Variants in MAP4K3 observed in about 807,000 individuals in gnomAD.
MAP4K3 encodes the protein MAPK/ERK kinase kinase kinase 3.
A neutral mutation model predicts 143.5 loss-of-function variants in MAP4K3; 94 were observed. That is an observed-to-expected ratio of 0.65 (90% CI 0.55 to 0.78). The LOEUF (loss-of-function observed/expected upper bound fraction) is 0.78, where lower values mean the gene tolerates loss of function less well. Ranked by LOEUF, MAP4K3 falls within the 30% of genes least tolerant of loss-of-function variation. MAP4K3 has a pLI of 0.00. For missense variants in MAP4K3, 1,077 were observed against 1,068.1 expected (o/e 1.01, Z -0.12); for synonymous variants, 416 against 347.2 (o/e 1.20, Z -2.20).
intron 23 of MAP4K3, among the ~76,000 whole-genome samples, chr2:39,278,845 T>A (rs1681388001): frequency 6.6e-6 from 1 of 151,890 alleles, no homozygotes. Context: ...AAATCGAGAG[T>A]GGCTGATACA....
chr2:39,413,156 T>C (rs1177951535), intron 1 of MAP4K3, among the ~76,000 whole-genome samples: 1 of 152,206 alleles, frequency 6.6e-6, no homozygotes, highest in Admixed American at 6.5e-5. Context: ...ATCAAAGCTT[T>C]CATGCAGTAA....
intron 1 of MAP4K3, among the ~76,000 whole-genome samples, chr2:39,395,086 C>A (rs540183084): frequency 4.6e-5 from 7 of 152,172 alleles, no homozygotes; most frequent in African/African-American, 1.2e-4. Flanking sequence ...AATTAAACAA[C>A]CTTCCAGCAT....
At chr2:39,333,489 TTAGAA>T in intron 7 of MAP4K3, 38 bp downstream of exon 7, 1 of 1,472,730 alleles carries the variant, frequency 6.8e-7, no homozygotes, top group African/African-American at 1.4e-5. Context: ...TTACTATATC[TTAGAA>T]TAGATTTGTG....
chr2:39,378,743 T>C (rs1226780211), intron 1 of MAP4K3, among the ~76,000 whole-genome samples: 1 of 152,060 alleles, frequency 6.6e-6, no homozygotes, highest in Non-Finnish European at 1.5e-5. Flanking sequence ...ATACATGTAG[T>C]TCAATGCAAA....
chr2:39,378,201 G>A, intron 1 of MAP4K3, 78 bp from the exon 2 acceptor site: 3 of 708,216 alleles, frequency 4.2e-6, no homozygotes, highest in Non-Finnish European at 7.2e-6. Flanking sequence ...TTAGCTTACT[G>A]TTTTCAGTTA....
At chr2:39,275,880 T>G (rs1324084465) in intron 24 of MAP4K3, among the ~76,000 whole-genome samples, 1 of 152,208 alleles carries the variant, frequency 6.6e-6, no homozygotes, top group Admixed American at 6.5e-5. Flanking sequence ...TTTTTATTTT[T>G]ATTTTGTTTT....
intron 2 of MAP4K3, among the ~76,000 whole-genome samples, chr2:39,358,009 G>C (rs1172865043): frequency 6.6e-6 from 1 of 152,168 alleles, no homozygotes; most frequent in East Asian, 1.9e-4. Context: ...AAGGGAGTCA[G>C]CCTTAGGATA....
At chr2:39,286,768 G>A (rs532531639) in intron 21 of MAP4K3, 84 bp downstream of exon 21, 42 of 616,344 alleles carry the variant, frequency 6.8e-5, no homozygotes, top group African/African-American at 2.6e-4. Context: ...TAGTGCTATA[G>A]TGTCACTAAT....
chr2:39,302,445 G>A (rs551169176), intron 15 of MAP4K3, among the ~76,000 whole-genome samples: 39 of 152,208 alleles, frequency 2.6e-4, no homozygotes, highest in Middle Eastern at 3.4e-3. Flanking sequence ...ACAGAAAATC[G>A]GATAGGGAAA....
chr2:39,415,980 A>AAATATATATAT (rs1553318573), intron 1 of MAP4K3, among the ~76,000 whole-genome samples: 8 of 14,762 alleles, frequency 5.4e-4, no homozygotes, highest in East Asian at 2.5e-3. Context: ...AAAAAAAAAA[A>AAATATATATAT]ATATATATAT....
chr2:39,293,577 T>C (rs1284151310), intron 16 of MAP4K3, among the ~76,000 whole-genome samples: 1 of 152,196 alleles, frequency 6.6e-6, no homozygotes, highest in Non-Finnish European at 1.5e-5. Context: ...ACAACAGTAC[T>C]GACAAAACAA....
chr2:39,397,463 G>C (rs1666840115), intron 1 of MAP4K3, among the ~76,000 whole-genome samples: 1 of 152,052 alleles, frequency 6.6e-6, no homozygotes, highest in African/African-American at 2.4e-5. Context: ...AACCTTTAAA[G>C]AAATGAAAGT....
At position 39,401,100 on chromosome 2, in the gene MAP4K3, T is replaced by C. The variant is rs72929198; in HGVS notation, c.97-22977A>G. Among the ~76,000 whole-genome samples the C allele has an allele frequency of 6.2e-3, 937 of 152,226 alleles. 9 individuals are homozygous for C. The highest frequency in any genetic ancestry group is 0.022 in the African/African-American group (895 of 41,548). ...TCAGTGCAGGGCAAGGGAACCCAGA[T>C]GGAGCCTGATGGTCACCCTAAGTTG... On this transcript the variant is annotated intron_variant, in intron 1 of 33. Coordinates refer to ENST00000263881, the MANE Select transcript of MAP4K3 (RefSeq NM_003618.4).
At chr2:39,391,358 CAAAAAAA>C (rs755777714) in intron 1 of MAP4K3, among the ~76,000 whole-genome samples, 1 of 45,432 alleles carries the variant, frequency 2.2e-5, no homozygotes, top group Non-Finnish European at 3.8e-5. Context: ...GACTCCATCT[CAAAAAAA>C]AAAAAAAAAA....
At chr2:39,436,703 G>A (rs974197561) in intron 1 of MAP4K3, 189 bp downstream of exon 1, 3 of 590,134 alleles carry the variant, frequency 5.1e-6, no homozygotes, top group Non-Finnish European at 9.0e-6. Flanking sequence ...GGGCTGGGGA[G>A]GTCTCGGGGT....
intron 15 of MAP4K3, 37 bp from the exon 16 acceptor site, chr2:39,299,838 G>T: frequency 3.8e-6 from 4 of 1,054,632 alleles, no homozygotes; most frequent in Non-Finnish European, 5.5e-6. Context: ...CACAATAGTA[G>T]TATATGACAC....
At chr2:39,418,427 T>G (rs559922005) in intron 1 of MAP4K3, among the ~76,000 whole-genome samples, 10 of 152,164 alleles carry the variant, frequency 6.6e-5, no homozygotes, top group Non-Finnish European at 1.0e-4. Flanking sequence ...TACAGAAGAA[T>G]TTCAAGTAAT....
At chr2:39,278,860 CTAATTA>C (rs999044607) in intron 23 of MAP4K3, among the ~76,000 whole-genome samples, 1 of 152,046 alleles carries the variant, frequency 6.6e-6, no homozygotes, top group Non-Finnish European at 1.5e-5. Flanking sequence ...GATACAGATT[CTAATTA>C]TTTCTACAGA....
At chr2:39,305,238 A>G (rs188134586) in intron 15 of MAP4K3, among the ~76,000 whole-genome samples, 106 of 152,352 alleles carry the variant, frequency 7.0e-4, no homozygotes, top group African/African-American at 2.4e-3. Context: ...ACAGTAAAAA[A>G]AACAAAAACA....
Sources: allele counts gnomAD v4.1 joint callset (sites outside exome capture counted in the v4.1 genomes callset), GRCh38; gene constraint gnomAD v4.1.1; transcripts MANE v1.5; gene names NCBI Gene and HGNC (gene_info 2026-07-23, HGNC 2026-07-21).